ADARB2: variants seen among roughly 807,000 people sequenced by gnomAD.
The protein encoded by ADARB2 is adenosine deaminase RNA specific B2 (inactive), also known as inactive double-stranded RNA-specific editase B2.
A neutral mutation model predicts 62.2 loss-of-function variants in ADARB2; 25 were observed. The observed-to-expected ratio is 0.40, with a 90% CI of 0.29 to 0.56. ADARB2 has a LOEUF of 0.56. ADARB2 is among the 20% of genes least tolerant of loss of function. The probability of loss-of-function intolerance (pLI) is 0.43; values close to 1 mark genes in which losing one functional copy is unlikely to be tolerated. For synonymous variants in ADARB2, 572 were observed against 500.8 expected (o/e 1.14, Z -1.90); for missense variants, 1,071 against 1,077.4 (o/e 0.99, Z 0.08).
At chr10:1,388,998 T>G (rs1263813589) in intron 1 of ADARB2, among the ~76,000 whole-genome samples, 1 of 152,200 alleles carries the variant, frequency 6.6e-6, no homozygotes, top group Non-Finnish European at 1.5e-5. Flanking sequence ...GAATCAAGTC[T>G]GTATGATCAA....
chr10:1,246,021 A>C (rs1223854275), intron 4 of ADARB2, among the ~76,000 whole-genome samples: 1 of 151,284 alleles, frequency 6.6e-6, no homozygotes, highest in Admixed American at 6.6e-5. Flanking sequence ...CTTTTTAATG[A>C]TTGCCATTCT....
Position 1,300,029 on chromosome 10 carries a change from C to T in ADARB2, c.1078-28960G>A, listed in dbSNP as rs187940740. ...GAGGCAGAGGTCCTTTTCCTTGGTTCCCCACCATCCTGGCCGTACCCACCA... is the reference window on the plus strand; with the variant it reads ...GAGGCAGAGGTCCTTTTCCTTGGTTTCCCACCATCCTGGCCGTACCCACCA... On this transcript the variant is annotated intron_variant, in intron 3 of 9. Coordinates refer to ENST00000381312, the MANE Select transcript of ADARB2 (RefSeq NM_018702.4). 6.8e-3 allele frequency among the ~76,000 whole-genome samples: 1,031 copies of T among 152,306 alleles called. 3 individuals carry two copies. Among genetic ancestry groups the T allele is most frequent in the Middle Eastern group, 0.014 (4 of 294 alleles).
In ADARB2 at chr10:1,224,798, G is replaced by T. The variant is rs533592749; in HGVS notation, c.1514-7679C>A. On this transcript the variant is annotated intron_variant, in intron 6 of 9. Coordinates refer to ENST00000381312, the MANE Select transcript of ADARB2 (RefSeq NM_018702.4). ...CTGAGAGACAGTTTGTTATAATTTC[G>T]GTTCTTTTACATTTGCTGAGGAGAG... is the stretch of plus-strand genomic sequence containing the variant. Among the ~76,000 whole-genome samples, 134 of 152,164 alleles carry T rather than the reference G, an allele frequency of 8.8e-4. 3 individuals are homozygous for T. The highest frequency in any genetic ancestry group is 6.8e-3 in the East Asian group (35 of 5,180).
chr10:1,288,757 C>T (rs935888010), intron 3 of ADARB2, among the ~76,000 whole-genome samples: 11 of 152,338 alleles, frequency 7.2e-5, no homozygotes, highest in South Asian at 2.1e-4. Flanking sequence ...ATCAAGACCA[C>T]GGGGTACTTC....
chr10:1,693,927 G>T (rs1317951390), intron 1 of ADARB2, among the ~76,000 whole-genome samples: 9 of 152,218 alleles, frequency 5.9e-5, no homozygotes, highest in Admixed American at 4.6e-4. Flanking sequence ...ACCCCACAGG[G>T]TTTCCCAAAG....
At chr10:1,615,485 G>C (rs562685660) in intron 1 of ADARB2, among the ~76,000 whole-genome samples, 2 of 152,352 alleles carry the variant, frequency 1.3e-5, no homozygotes, top group African/African-American at 4.8e-5. Context: ...GTGCACAGCT[G>C]TCCGGGTGGG....
intron 3 of ADARB2, among the ~76,000 whole-genome samples, chr10:1,336,958 T>A (rs1435869786): frequency 6.6e-6 from 1 of 152,088 alleles, no homozygotes; most frequent in Non-Finnish European, 1.5e-5. Context: ...CTGCCACAGA[T>A]AATGAGTCCA....
At chr10:1,603,018 A>G (rs969492487) in intron 1 of ADARB2, among the ~76,000 whole-genome samples, 5 of 90,410 alleles carry the variant, frequency 5.5e-5, no homozygotes, top group African/African-American at 2.0e-4. Flanking sequence ...GTACACACAC[A>G]TACACACATC....
intron 1 of ADARB2, among the ~76,000 whole-genome samples, chr10:1,720,246 C>T (rs1260240794): frequency 6.6e-6 from 1 of 152,178 alleles, no homozygotes; most frequent in African/African-American, 2.4e-5. Context: ...CAGCTAGAGG[C>T]TGTTACCCTG....
chr10:1,563,482 C>T (rs1335613154), intron 1 of ADARB2, among the ~76,000 whole-genome samples: 1 of 152,134 alleles, frequency 6.6e-6, no homozygotes, highest in Admixed American at 6.5e-5. Context: ...CCTCCTTGGC[C>T]ACTTAATTAT....
intron 3 of ADARB2, among the ~76,000 whole-genome samples, chr10:1,284,521 T>C (rs185219875): frequency 2.6e-4 from 40 of 152,280 alleles, no homozygotes; most frequent in African/African-American, 8.7e-4. Flanking sequence ...AGGCTCTCGA[T>C]TGAGATCCCT....
chr10:1,227,364 C>T (rs540704572), intron 6 of ADARB2, among the ~76,000 whole-genome samples: 33 of 152,200 alleles, frequency 2.2e-4, no homozygotes, highest in Admixed American at 4.6e-4. Context: ...CCGGGTGAGG[C>T]GATGCCTCGC....
chr10:1,606,230 A>G (rs948934444), intron 1 of ADARB2, among the ~76,000 whole-genome samples: 1 of 152,070 alleles, frequency 6.6e-6, no homozygotes, highest in Non-Finnish European at 1.5e-5. Context: ...TCTTCACCCT[A>G]TGGCACTAGT....
chr10:1,563,304 T>C (rs1361421358), intron 1 of ADARB2, among the ~76,000 whole-genome samples: 3 of 152,088 alleles, frequency 2.0e-5, no homozygotes, highest in Admixed American at 6.5e-5. Context: ...CGTGTATCCC[T>C]GCATCCTCCC....
At chr10:1,245,399 C>T (rs963134237) in intron 4 of ADARB2, among the ~76,000 whole-genome samples, 6 of 152,082 alleles carry the variant, frequency 3.9e-5, no homozygotes, top group Non-Finnish European at 8.8e-5. Flanking sequence ...AGGTTAGTTA[C>T]ATATGTATAC....
At chr10:1,486,717 G>T (rs192914595) in intron 1 of ADARB2, among the ~76,000 whole-genome samples, 1 of 152,154 alleles carries the variant, frequency 6.6e-6, no homozygotes, top group Non-Finnish European at 1.5e-5. Context: ...AGAACTGAGG[G>T]TGACCAGGGT....
At chr10:1,532,990 G>T (rs1832269554) in intron 1 of ADARB2, among the ~76,000 whole-genome samples, 1 of 152,150 alleles carries the variant, frequency 6.6e-6, no homozygotes, top group Non-Finnish European at 1.5e-5. Context: ...CATCCTGTGT[G>T]TTACTCCAGG....
chr10:1,214,058 A>G (rs906086110), intron 7 of ADARB2, among the ~76,000 whole-genome samples: 1 of 148,028 alleles, frequency 6.8e-6, no homozygotes, highest in African/African-American at 2.5e-5. Context: ...CTGTACCCGG[A>G]CCTGCCGGTG....
chr10:1,561,282 G>A (rs1832783718), intron 1 of ADARB2, among the ~76,000 whole-genome samples: 1 of 152,216 alleles, frequency 6.6e-6, no homozygotes, highest in Admixed American at 6.5e-5. Flanking sequence ...TGCCCTGGCT[G>A]CGGGACTGGA....
Sources: allele counts gnomAD v4.1 joint callset (sites outside exome capture counted in the v4.1 genomes callset), GRCh38; gene constraint gnomAD v4.1.1; transcripts MANE v1.5; gene names NCBI Gene and HGNC (gene_info 2026-07-23, HGNC 2026-07-21).